DNAH9: variants seen among roughly 807,000 people sequenced by gnomAD.
DNAH9 encodes dynein axonemal heavy chain 9, also known as DNAH9 variant protein.
Under a neutral mutation model 471.6 loss-of-function variants are expected in DNAH9, and 345 were observed. The observed-to-expected ratio is 0.73, with a 90% CI of 0.67 to 0.80. The LOEUF (loss-of-function observed/expected upper bound fraction) is 0.80, where lower values mean the gene tolerates loss of function less well. DNAH9 is among the 30% of genes least tolerant of loss of function. The pLI is 0.00. For missense variants in DNAH9, 5,407 were observed against 5,609.2 expected (o/e 0.96, Z 1.15); for synonymous variants, 2,093 against 2,123.6 (o/e 0.99, Z 0.40).
intron 36 of DNAH9, among the ~76,000 whole-genome samples, chr17:11,764,409 T>G (rs998499686): frequency 2.6e-5 from 4 of 152,358 alleles, no homozygotes; most frequent in African/African-American, 2.4e-5. Flanking sequence ...TAGCAAATTT[T>G]AAGTATACAA....
At position 11,937,643 on chromosome 17, in the gene DNAH9, C is replaced by T; in HGVS notation, c.12660+121C>T. On this transcript the variant is annotated intron_variant, in intron 66 of 68. Transcript: ENST00000262442. The surrounding 1 kb of genome is among the most constrained non-coding windows in gnomAD (Gnocchi z 4.1). ...CATAGACAACACACAAAGCACCAAC[C>T]ACCTGCAGCCTGGAGATGCTTGCCT... The T allele has an allele frequency of 1.8e-6, 2 of 1,097,402 alleles. No individual in the cohort carries two copies. Among genetic ancestry groups the T allele is most frequent in the South Asian group, 2.7e-5 (1 of 36,966 alleles). 68.0% of individuals were successfully genotyped at this position (1,097,402 alleles called of 1,614,324 possible). A position where few individuals can be genotyped will look rare whatever the true frequency, so the allele number is the denominator to read the frequency against.
intron 26 of DNAH9, 134 bp from the exon 27 acceptor site, chr17:11,719,200 G>C: frequency 1.2e-6 from 1 of 815,842 alleles, no homozygotes; most frequent in African/African-American, 1.7e-5. Flanking sequence ...ACAGTGCTGT[G>C]GGGAGCGGGA....
At chr17:11,780,400 G>A (rs768324605) in intron 38 of DNAH9, among the ~76,000 whole-genome samples, 4 of 152,178 alleles carry the variant, frequency 2.6e-5, no homozygotes, top group African/African-American at 7.2e-5. Flanking sequence ...TTACAGCCTC[G>A]GAGAGGAAAG....
intron 1 of DNAH9, among the ~76,000 whole-genome samples, chr17:11,606,448 C>CTTTTTT (rs1156988834): frequency 1.7e-3 from 162 of 97,024 alleles, no homozygotes; most frequent in African/African-American, 6.0e-3. Context: ...CTTTTCTTTT[C>CTTTTTT]TTTTCTTTTT....
In DNAH9 at chr17:11,962,286, T is replaced by G. The variant is rs751507843; in HGVS notation, c.13233+30T>G. 1.1e-5 allele frequency: 17 copies of G among 1,548,966 alleles called. No homozygotes were observed. In the South Asian group the frequency reaches 1.9e-4, roughly 18 times the overall value. ...AGCTTGGAATGAACCAAAGGGCAGC[T>G]TTCTGGGGGCTGATTAAATACACAT... On this transcript the variant is annotated intron_variant, in intron 68 of 68. Transcript: ENST00000262442. The surrounding 1 kb of genome is among the most constrained non-coding windows in gnomAD (Gnocchi z 4.1).
At chr17:11,618,314 G>A (rs911583864) in intron 5 of DNAH9, among the ~76,000 whole-genome samples, 1 of 152,192 alleles carries the variant, frequency 6.6e-6, no homozygotes, top group Admixed American at 6.5e-5. Flanking sequence ...AGGGCCGGGC[G>A]CGGTGGCTCA....
Position 11,623,647 on chromosome 17 carries a change from G to A in DNAH9, c.1350+3866G>A, listed in dbSNP as rs1003892497. Among the ~76,000 whole-genome samples, 10 of 152,008 alleles carry A rather than the reference G, an allele frequency of 6.6e-5. No homozygotes were observed. Among genetic ancestry groups the A allele is most frequent in the African/African-American group, 1.7e-4 (7 of 41,404 alleles). ...TAATATTCTGTGTATCTCTGTGATC[G>A]ATGCCTGATTGAAATGGGATTAATC... is the stretch of plus-strand genomic sequence containing the variant. On this transcript the variant is annotated intron_variant, in intron 6 of 68. Coordinates refer to ENST00000262442, the MANE Select transcript of DNAH9 (RefSeq NM_001372.4). The surrounding 1 kb of genome is among the most constrained non-coding windows in gnomAD (Gnocchi z 4.1).
chr17:11,734,136 CTG>C lies in DNAH9; in HGVS notation c.5815-4741_5815-4740del, dbSNP rs2075310037. On this transcript the variant is annotated intron_variant, in intron 28 of 68. Coordinates refer to ENST00000262442, the MANE Select transcript of DNAH9 (RefSeq NM_001372.4). ...GTCATGTAGCCCCACGCTATTCAAACTGTGAGCCAACAGCACCAGCATCCCCT... is the reference window on the plus strand; with the variant it reads ...GTCATGTAGCCCCACGCTATTCAAACTGAGCCAACAGCACCAGCATCCCCT... 4.6e-5 allele frequency among the ~76,000 whole-genome samples: 7 copies of C among 152,260 alleles called. No individual in the cohort carries two copies. In the South Asian group the frequency reaches 1.5e-3, roughly 32 times the overall value.
At position 11,962,342 on chromosome 17, in the gene DNAH9, G is replaced by T. The variant is rs748444210; in HGVS notation, c.13233+86G>T. On this transcript the variant is annotated intron_variant, in intron 68 of 68. Coordinates refer to ENST00000262442, the MANE Select transcript of DNAH9 (RefSeq NM_001372.4). This position sits in a 1 kb window ranked among gnomAD's most constrained non-coding sequence, Gnocchi z 4.1. ...CCTATGAAGTGTGACTACTAAAAGA[G>T]ATATTCCTGAATCTTTTTCTCTAGC... 8.2e-5 allele frequency: 121 copies of T among 1,479,062 alleles called. No homozygotes were observed. The highest frequency in any genetic ancestry group is 1.1e-4 in the Non-Finnish European group (118 of 1,119,348). 91.6% of individuals were successfully genotyped at this position (1,479,062 alleles called of 1,614,324 possible).
intron 53 of DNAH9, 40 bp downstream of exon 53, chr17:11,875,224 G>A (rs753335424): frequency 6.4e-7 from 1 of 1,552,296 alleles, no homozygotes; most frequent in African/African-American, 1.4e-5. Context: ...TTAGCCATTT[G>A]TGCAGGAAAA....
At chr17:11,865,264 C>A (rs1972002064) in intron 50 of DNAH9, among the ~76,000 whole-genome samples, 1 of 152,032 alleles carries the variant, frequency 6.6e-6, no homozygotes, top group Non-Finnish European at 1.5e-5. Context: ...TATTTTATTT[C>A]TCCTTCACTT....
intron 14 of DNAH9, among the ~76,000 whole-genome samples, chr17:11,662,335 T>C (rs951653665): frequency 2.6e-5 from 4 of 152,208 alleles, no homozygotes; most frequent in Non-Finnish European, 1.5e-5. Flanking sequence ...TTGAAATTCT[T>C]TTTCACTAAA....
chr17:11,664,943 C>T lies in DNAH9; in HGVS notation c.2706C>T (p.Ser902=), dbSNP rs778407556. 1 of 1,613,400 alleles carries T rather than the reference C, an allele frequency of 6.2e-7. No homozygotes were observed. ...GATTCTTTCTTGCCATTGAGTGCTCCCTCAAGTATCTTCTGGAAAATACTG... is the reference window on the plus strand; with the variant it reads ...GATTCTTTCTTGCCATTGAGTGCTCTCTCAAGTATCTTCTGGAAAATACTG... ...LNGFFLAIEC[S]LKYLLENTEC... The change falls in exon 15 of 69, where the codon TCC becomes TCT. Residue 902 remains serine (S), a synonymous_variant. Coordinates refer to ENST00000262442, the MANE Select transcript of DNAH9 (RefSeq NM_001372.4).
intron 19 of DNAH9, among the ~76,000 whole-genome samples, chr17:11,686,748 A>G (rs1419999689): frequency 2.0e-5 from 3 of 152,236 alleles, no homozygotes; most frequent in Non-Finnish European, 4.4e-5. Context: ...AAGAATGCTT[A>G]TGGGTGCCAA....
At position 11,669,048 on chromosome 17, in the gene DNAH9, T is replaced by C. The variant is rs2150727323; in HGVS notation, c.2732-16T>C. ...TCCACTCTTTGTTTTGTTTGCTTGT[T>C]TTCTGTGTTTTTCAGAGTGTAAGGC... On this transcript the variant is annotated splice_polypyrimidine_tract_variant and intron_variant, in intron 15 of 68. Coordinates refer to ENST00000262442, the MANE Select transcript of DNAH9 (RefSeq NM_001372.4). 6.3e-7 allele frequency: 1 copy of C among 1,579,608 alleles called. No homozygotes were observed. The highest frequency in any genetic ancestry group is 2.2e-5 in the East Asian group (1 of 44,574).
intron 17 of DNAH9, among the ~76,000 whole-genome samples, chr17:11,671,445 T>C (rs1353394690): frequency 6.6e-6 from 1 of 152,156 alleles, no homozygotes; most frequent in Non-Finnish European, 1.5e-5. Context: ...TTTGTTGTGA[T>C]TTCTGTGGGA....
intron 1 of DNAH9, among the ~76,000 whole-genome samples, chr17:11,607,433 AGT>A (rs1004951778): frequency 7.9e-5 from 12 of 152,328 alleles, no homozygotes; most frequent in African/African-American, 2.4e-4. Context: ...AAGAAGGTGT[AGT>A]GGTCCCTGGA....
chr17:11,901,485 C>G (rs1172021195), intron 59 of DNAH9, among the ~76,000 whole-genome samples: 1 of 152,130 alleles, frequency 6.6e-6, no homozygotes, highest in Non-Finnish European at 1.5e-5. Context: ...CGCCTGAGGT[C>G]AGGAGTTCAA....
At chr17:11,781,852 A>AAAAAAAAAAC (rs1567798343) in intron 39 of DNAH9, among the ~76,000 whole-genome samples, 3 of 149,736 alleles carry the variant, frequency 2.0e-5, no homozygotes, top group South Asian at 2.1e-4. Flanking sequence ...AACAAACAAA[A>AAAAAAAAAAC]AAAAAACTAC....
Sources: allele counts gnomAD v4.1 joint callset (sites outside exome capture counted in the v4.1 genomes callset), GRCh38; gene constraint gnomAD v4.1.1; non-coding constraint Gnocchi (gnomAD v3.1); transcripts MANE v1.5; gene names NCBI Gene and HGNC (gene_info 2026-07-23, HGNC 2026-07-21).